The following PDE6D variants were observed in gnomAD, a reference collection of about 807,000 sequenced individuals.
The protein encoded by PDE6D is phosphodiesterase 6D.
Under a neutral mutation model 21.9 loss-of-function variants are expected in PDE6D, and 10 were observed. That is an observed-to-expected ratio of 0.46 (90% CI 0.28 to 0.78). The LOEUF is 0.78. PDE6D is among the 30% of genes least tolerant of loss of function. PDE6D has a pLI of 0.12. For missense variants in PDE6D, 139 were observed against 184.8 expected, an observed-to-expected ratio of 0.75 and a Z score of 1.44; for synonymous variants, 59 against 63.5, an observed-to-expected ratio of 0.93 and a Z score of 0.34.
At chr2:231,772,135 G>GC (rs1448313441) in intron 1 of PDE6D, among the ~76,000 whole-genome samples, 2 of 144,004 alleles carry the variant, frequency 1.4e-5, no homozygotes, top group Non-Finnish European at 3.1e-5. Flanking sequence ...TAGAACAGTT[G>GC]TTTTTTTTTT....
At position 231,755,153 on chromosome 2, in the gene PDE6D, T is replaced by C. The variant is rs541971926; in HGVS notation, c.51-15965A>G. Among the ~76,000 whole-genome samples, 3 of 152,306 alleles carry C rather than the reference T, an allele frequency of 2.0e-5. No homozygotes were observed. In the South Asian group the frequency reaches 6.2e-4, roughly 32 times the overall value. ...GGCTCTCACCAAAACCTGAACATGC[T>C]GGTACGCTGATCTCAGACTTCCAAC... On this transcript the variant is annotated intron_variant, in intron 1 of 4. Coordinates refer to ENST00000287600, the MANE Select transcript of PDE6D (RefSeq NM_002601.4).
At position 231,739,258 on chromosome 2, in the gene PDE6D, T is replaced by A. The variant is rs749890419; in HGVS notation, c.51-70A>T. The A allele has an allele frequency of 3.3e-6, 3 of 922,296 alleles. No homozygotes were observed. Among genetic ancestry groups the A allele is most frequent in the Non-Finnish European group, 5.5e-6 (3 of 550,138 alleles). 57.1% of individuals were successfully genotyped at this position (922,296 alleles called of 1,614,324 possible). A position where few individuals can be genotyped will look rare whatever the true frequency, so the allele number is the denominator to read the frequency against. The stretch of plus-strand genomic sequence containing the variant: ...CCCACTTTGTATTCTAGGTGTCTCA[T>A]GTTTACTCCCACCAACTCTTGTTTA... On this transcript the variant is annotated intron_variant, in intron 1 of 4. Transcript: ENST00000287600. The surrounding 1 kb of genome is among the most constrained non-coding windows in gnomAD (Gnocchi z 4.2).
intron 1 of PDE6D, among the ~76,000 whole-genome samples, chr2:231,767,471 A>G (rs1332261928): frequency 1.3e-5 from 2 of 151,870 alleles, no homozygotes; most frequent in Non-Finnish European, 1.5e-5. Context: ...GCCCGCCACC[A>G]CGCCTGGCTA....
chr2:231,752,950 G>C (rs13020414), intron 1 of PDE6D, among the ~76,000 whole-genome samples: 1 of 148,856 alleles, frequency 6.7e-6, no homozygotes, highest in African/African-American at 2.5e-5. Flanking sequence ...TCCTGCCTCA[G>C]CATCTCGAGT....
At chr2:231,755,272 T>C (rs1356137446) in intron 1 of PDE6D, among the ~76,000 whole-genome samples, 2 of 152,200 alleles carry the variant, frequency 1.3e-5, no homozygotes, top group East Asian at 3.8e-4. Context: ...ATCTCTACTA[T>C]AAATTTTTAA....
At chr2:231,768,970 G>T (rs1157897099) in intron 1 of PDE6D, among the ~76,000 whole-genome samples, 1 of 152,138 alleles carries the variant, frequency 6.6e-6, no homozygotes. Flanking sequence ...CTGGGTTTAA[G>T]CGATTCTCCT....
intron 1 of PDE6D, among the ~76,000 whole-genome samples, chr2:231,775,826 G>A (rs1237562239): frequency 6.6e-6 from 1 of 151,630 alleles, no homozygotes; most frequent in Non-Finnish European, 1.5e-5. Context: ...GAGACAATAA[G>A]CCAATATTAA....
intron 1 of PDE6D, among the ~76,000 whole-genome samples, chr2:231,770,781 T>A (rs1251428476): frequency 6.6e-6 from 1 of 152,046 alleles, no homozygotes; most frequent in East Asian, 1.9e-4. Flanking sequence ...GGTGAAACCC[T>A]GTCTCTACTA....
chr2:231,765,360 C>T (rs531566284), intron 1 of PDE6D, among the ~76,000 whole-genome samples: 4 of 152,040 alleles, frequency 2.6e-5, no homozygotes, highest in South Asian at 2.1e-4. Context: ...AACCCACCAA[C>T]GAACCAAAAA....
chr2:231,735,921 G>A (rs2048697016), intron 4 of PDE6D, among the ~76,000 whole-genome samples: 1 of 151,866 alleles, frequency 6.6e-6, no homozygotes, highest in South Asian at 2.1e-4. Context: ...CCAGCTACTT[G>A]GGAGGCTGAG....
intron 1 of PDE6D, among the ~76,000 whole-genome samples, chr2:231,752,835 T>G (rs2048852011): frequency 6.9e-6 from 1 of 144,718 alleles, no homozygotes; most frequent in Non-Finnish European, 1.5e-5. Flanking sequence ...ATTTGAGTTT[T>G]TTTTTTTTTT....
Position 231,780,350 on chromosome 2 carries a change from G to A in PDE6D, c.50+715C>T, listed in dbSNP as rs551015697. Among the ~76,000 whole-genome samples, 56 of 152,178 alleles carry A rather than the reference G, an allele frequency of 3.7e-4. 1 individual carries two copies. Among genetic ancestry groups the A allele is most frequent in the Admixed American group, 1.6e-3 (24 of 15,288 alleles). ...CGAGGCACCCCACACCTAAGCCTAT[G>A]GTCCTCATCTTGCTGGAAAGAAAAC... is the stretch of plus-strand genomic sequence containing the variant. On this transcript the variant is annotated intron_variant, in intron 1 of 4. Coordinates refer to ENST00000287600, the MANE Select transcript of PDE6D (RefSeq NM_002601.4).
chr2:231,742,684 C>G (rs190942492), intron 1 of PDE6D, among the ~76,000 whole-genome samples: 1 of 152,044 alleles, frequency 6.6e-6, no homozygotes, highest in Admixed American at 6.6e-5. Context: ...TCTTTTTTTG[C>G]TATCTTGTGA....
intron 1 of PDE6D, among the ~76,000 whole-genome samples, chr2:231,747,454 T>C (rs1168451312): frequency 6.6e-6 from 1 of 152,246 alleles, no homozygotes; most frequent in Non-Finnish European, 1.5e-5. Context: ...AGCTGGTTCA[T>C]AAAATGTGCT....
At chr2:231,762,980 T>G (rs758084713) in intron 1 of PDE6D, among the ~76,000 whole-genome samples, 1 of 151,764 alleles carries the variant, frequency 6.6e-6, no homozygotes, top group Non-Finnish European at 1.5e-5. Context: ...AGAGAAAGCA[T>G]TTGGTGGTAT....
intron 1 of PDE6D, among the ~76,000 whole-genome samples, chr2:231,751,540 T>C (rs1013483257): frequency 2.0e-5 from 3 of 152,228 alleles, no homozygotes; most frequent in African/African-American, 4.8e-5. Flanking sequence ...CTTACATTTG[T>C]CACAACTAAG....
intron 1 of PDE6D, among the ~76,000 whole-genome samples, chr2:231,746,641 C>T (rs746208473): frequency 1.3e-5 from 2 of 151,512 alleles, no homozygotes; most frequent in Non-Finnish European, 2.9e-5. Context: ...TAAACAGATC[C>T]ACACTACATG....
At chr2:231,774,473 T>C (rs904231662) in intron 1 of PDE6D, among the ~76,000 whole-genome samples, 4 of 152,212 alleles carry the variant, frequency 2.6e-5, no homozygotes, top group Non-Finnish European at 5.9e-5. Context: ...CTATATACTC[T>C]ACTGCAGTAA....
At chr2:231,774,354 A>G (rs941463807) in intron 1 of PDE6D, among the ~76,000 whole-genome samples, 1 of 152,190 alleles carries the variant, frequency 6.6e-6, no homozygotes, top group Non-Finnish European at 1.5e-5. Flanking sequence ...CTCTGATAAT[A>G]TGAGATACAG....
Sources: allele counts gnomAD v4.1 joint callset (sites outside exome capture counted in the v4.1 genomes callset), GRCh38; gene constraint gnomAD v4.1.1; non-coding constraint Gnocchi (gnomAD v3.1); transcripts MANE v1.5; gene names NCBI Gene and HGNC (gene_info 2026-07-23, HGNC 2026-07-21).